Variants in LRRN2 observed in about 807,000 individuals in gnomAD.
LRRN2 encodes leucine-rich repeat neuronal protein 2.
In LRRN2, 10 loss-of-function variants were observed where a neutral mutation model predicts 35.7. The ratio of observed to expected loss-of-function variants is 0.28; its 90% CI spans 0.17 to 0.47. LRRN2 has a LOEUF of 0.47. Among genes scored for constraint, LRRN2 ranks in the 20% least tolerant of loss-of-function variants. The pLI, the probability that LRRN2 is intolerant of heterozygous loss-of-function variation, is 0.99. For missense variants in LRRN2, 731 were observed against 940.3 expected (o/e 0.78, Z 2.91); for synonymous variants, 391 against 409.6 (o/e 0.95, Z 0.55).
At chr1:204,639,526 G>A (rs928313769) in intron 1 of LRRN2, among the ~76,000 whole-genome samples, 1 of 152,114 alleles carries the variant, frequency 6.6e-6, no homozygotes, top group South Asian at 2.1e-4. Context: ...TGTAGTCCAA[G>A]CTACTTGAGA....
intron 1 of LRRN2, among the ~76,000 whole-genome samples, chr1:204,683,483 G>A (rs996012965): frequency 6.6e-6 from 1 of 151,928 alleles, no homozygotes; most frequent in Non-Finnish European, 1.5e-5. Flanking sequence ...GGAGGAAGAG[G>A]GGAGGCACAG....
At chr1:204,625,270 G>C (rs1426919703) in intron 1 of LRRN2, among the ~76,000 whole-genome samples, 1 of 152,206 alleles carries the variant, frequency 6.6e-6, no homozygotes, top group African/African-American at 2.4e-5. Context: ...GAATTGCTGG[G>C]AGGAGTACGG....
At chr1:204,668,678 C>T (rs1399029690) in intron 1 of LRRN2, among the ~76,000 whole-genome samples, 1 of 152,182 alleles carries the variant, frequency 6.6e-6, no homozygotes, top group Non-Finnish European at 1.5e-5. Flanking sequence ...GGGCAAGCCA[C>T]CACTCCTCTC....
intron 1 of LRRN2, among the ~76,000 whole-genome samples, chr1:204,630,616 G>A (rs928296691): frequency 2.6e-5 from 4 of 151,492 alleles, no homozygotes; most frequent in Admixed American, 1.3e-4. Context: ...GCTGAGGCCC[G>A]GGTTTGTCTT....
At chr1:204,672,997 C>T (rs889082808) in intron 1 of LRRN2, among the ~76,000 whole-genome samples, 1 of 152,172 alleles carries the variant, frequency 6.6e-6, no homozygotes, top group African/African-American at 2.4e-5. Context: ...TCTCAGAGAT[C>T]CACGTAAGAT....
chr1:204,639,560 A>G (rs1381734050), intron 1 of LRRN2, among the ~76,000 whole-genome samples: 9 of 152,212 alleles, frequency 5.9e-5, no homozygotes, highest in Admixed American at 5.9e-4. Context: ...GGATTGCTTG[A>G]GCCCAGGAGG....
At chr1:204,664,705 C>G (rs1401422444) in intron 1 of LRRN2, 2 of 152,318 alleles carry the variant, frequency 1.3e-5, no homozygotes, top group East Asian at 1.9e-4. Context: ...CTCAATCCAA[C>G]AGTATTTTTG....
At chr1:204,624,468 C>G (rs1279105855) in intron 1 of LRRN2, among the ~76,000 whole-genome samples, 2 of 152,192 alleles carry the variant, frequency 1.3e-5, no homozygotes, top group Admixed American at 1.3e-4. Flanking sequence ...GCAAGTTTCT[C>G]TCTTGGAAAG....
intron 1 of LRRN2, among the ~76,000 whole-genome samples, chr1:204,633,798 A>G (rs1025547022): frequency 1.8e-4 from 27 of 152,206 alleles, no homozygotes; most frequent in Non-Finnish European, 4.4e-5. Flanking sequence ...TAGAATGAGG[A>G]GATTTCCAGT....
chr1:204,656,798 C>A (rs924976910), intron 1 of LRRN2, among the ~76,000 whole-genome samples: 6 of 152,152 alleles, frequency 3.9e-5, no homozygotes, highest in Admixed American at 3.9e-4. Context: ...TCACTTTATA[C>A]CTGACATTCT....
chr1:204,676,021 T>C (rs1668816076), intron 1 of LRRN2, among the ~76,000 whole-genome samples: 1 of 152,232 alleles, frequency 6.6e-6, no homozygotes, highest in Non-Finnish European at 1.5e-5. Context: ...GAATGAGGAC[T>C]GTTTTAGGGG....
intron 1 of LRRN2, among the ~76,000 whole-genome samples, chr1:204,632,492 G>A (rs1420588892): frequency 6.6e-6 from 1 of 151,866 alleles, no homozygotes. Context: ...TAGTGGGCCT[G>A]GTGGCATGCA....
chr1:204,619,825 A>G lies in LRRN2; in HGVS notation c.168T>C (p.Asn56=). ...SYREATTVDC[N]DLFLTAVPPA... ...GGGGGACTGCCGTCAGGAATAGGTC[A>G]TTGCAGTCCACAGTGGTAGCCTCGC... Residue 56 remains asparagine (N), a synonymous_variant, in exon 2 of 2, where the codon AAT becomes AAC. Coordinates refer to ENST00000367177, the MANE Select transcript of LRRN2 (RefSeq NM_201630.2). The G allele has an allele frequency of 6.2e-7, 1 of 1,613,858 alleles. No individual in the cohort carries two copies. Among genetic ancestry groups the G allele is most frequent in the Non-Finnish European group, 8.5e-7 (1 of 1,179,848 alleles).
chr1:204,625,849 G>A (rs891101617), intron 1 of LRRN2, among the ~76,000 whole-genome samples: 2 of 152,252 alleles, frequency 1.3e-5, no homozygotes, highest in Non-Finnish European at 2.9e-5. Context: ...CAGGAAGAGA[G>A]GCTGATTCTT....
chr1:204,629,015 C>T (rs960678769), intron 1 of LRRN2: 1 of 152,394 alleles, frequency 6.6e-6, no homozygotes, highest in Admixed American at 6.5e-5. Context: ...CCATGAGCTT[C>T]TCCACCTCTC....
intron 1 of LRRN2, chr1:204,633,189 C>G (rs1418142390): frequency 6.6e-6 from 1 of 152,184 alleles, no homozygotes; most frequent in African/African-American, 2.4e-5. Flanking sequence ...ATCTTGAAAG[C>G]AGACAGCAGC....
rs1276626552 is a variant in LRRN2, at chr1:204,618,091, G to C, written c.1902C>G (p.Ile634Met). ...CCAGGAGAAGGACAGCGAGAGCCAG[G>C]ATGGCAATGAGCCCAGGACGGTCCC... ...ALGDRPGLIA[I>M]LALAVLLLAA... Residue 634 changes from isoleucine (I) to methionine (M), a missense_variant, in exon 2 of 2, where the codon ATC becomes ATG. Physicochemically the swap from Ile to Met is conservative, Grantham distance 10. Transcript: ENST00000367177. 1 of 1,613,962 alleles carries C rather than the reference G, an allele frequency of 6.2e-7. No individual in the cohort carries two copies. The highest frequency in any genetic ancestry group is 1.7e-5 in the Admixed American group (1 of 60,012).
At chr1:204,656,868 C>T (rs1668367590) in intron 1 of LRRN2, among the ~76,000 whole-genome samples, 1 of 152,126 alleles carries the variant, frequency 6.6e-6, no homozygotes, top group African/African-American at 2.4e-5. Context: ...TGCTGGGCAC[C>T]TAATGGATCC....
intron 1 of LRRN2, among the ~76,000 whole-genome samples, chr1:204,657,685 T>C (rs1460206841): frequency 2.0e-5 from 3 of 152,146 alleles, no homozygotes; most frequent in Non-Finnish European, 4.4e-5. Context: ...CTTGTGAATA[T>C]ATAAAAAACT....
Sources: allele counts gnomAD v4.1 joint callset (sites outside exome capture counted in the v4.1 genomes callset), GRCh38; gene constraint gnomAD v4.1.1; transcripts MANE v1.5; gene names NCBI Gene and HGNC (gene_info 2026-07-23, HGNC 2026-07-21).